The following ZNF721 variants were observed in gnomAD, a reference collection of about 807,000 sequenced individuals.
ZNF721 encodes the protein zinc finger protein 721.
In ZNF721, 2 loss-of-function variants were observed where a neutral mutation model predicts 2.4. The ratio of observed to expected loss-of-function variants is 0.82; its 90% CI spans 0.34 to 2.58. The LOEUF is 2.58. Ranked by LOEUF, ZNF721 falls within the 30% of genes most tolerant of loss-of-function variation. The pLI is 0.11. For missense variants in ZNF721, 1,187 were observed against 1,085.5 expected (o/e 1.09, Z -1.31); for synonymous variants, 398 against 381.8 (o/e 1.04, Z -0.50).
In ZNF721 at chr4:440,125, TTCTC is replaced by T. The variant is rs1306110170; in HGVS notation, c.*1566_*1569del. 6.6e-6 allele frequency: 1 copy of T among 152,206 alleles called. No homozygotes were observed. Among genetic ancestry groups the T allele is most frequent in the Non-Finnish European group, 1.5e-5 (1 of 68,032 alleles). The allele number at this position is 152,206 out of a possible 1,614,324, so 9.4% of individuals were successfully genotyped here. A position where few individuals can be genotyped will look rare whatever the true frequency, so the allele number is the denominator to read the frequency against. On this transcript the variant is annotated 3_prime_UTR_variant, in exon 3 of 3. Coordinates refer to ENST00000511833, the MANE Select transcript of ZNF721 (RefSeq NM_133474.4). ...AAACAATTTACTACTAAAATTCAGA[TTCTC>T]TCTCAGTATAACGCAAAGTATTACT...
intron 2 of ZNF721, among the ~76,000 whole-genome samples, chr4:471,427 G>T (rs1428241410): frequency 6.6e-6 from 1 of 152,148 alleles, no homozygotes; most frequent in Non-Finnish European, 1.5e-5. Flanking sequence ...TGGAGGACAT[G>T]ATGCTAAATG....
At position 444,412 on chromosome 4, in the gene ZNF721, G is replaced by C; in HGVS notation, c.55C>G (p.Gln19Glu). 1 of 1,587,136 alleles carries C rather than the reference G, an allele frequency of 6.3e-7. No individual in the cohort carries two copies. ...ATCCCCTGCACTGGCAAAAAGTCTT[G>C]GGTGAAATGAGAACACATAGCTGAA... ...VSLAMCSHFT[Q>E]DFLPVQGIED... The change falls in exon 3 of 3, where the codon CAA becomes GAA. Residue 19 changes from glutamine to glutamate, a missense_variant. By Grantham distance (29) the Gln-to-Glu change is conservative. Transcript: ENST00000511833.
intron 2 of ZNF721, among the ~76,000 whole-genome samples, chr4:455,328 G>A (rs1714812099): frequency 6.6e-6 from 1 of 152,144 alleles, no homozygotes; most frequent in South Asian, 2.1e-4. Context: ...AGCACTTTGG[G>A]AGGCCGAGGC....
At position 443,322 on chromosome 4, in the gene ZNF721, A is replaced by G; in HGVS notation, c.1145T>C (p.Ile382Thr). The G allele has an allele frequency of 6.2e-7, 1 of 1,613,922 alleles. No homozygotes were observed. Residue 382 changes from isoleucine to threonine, a missense_variant, in exon 3 of 3, where the codon ATT (isoleucine) becomes ACT (threonine). By Grantham distance (89) the Ile-to-Thr change is moderately conservative (BLOSUM62 -1). Transcript: ENST00000511833. ...TTTGTAAGGTTTCTCTCCAGTATGA[A>G]TTTTCTTGTGTTGATTCAGGGCTGT... is the stretch of plus-strand genomic sequence containing the variant. Reference protein sequence around the residue: ...RYTALNQHKKIHTGEKPYKCE... With the variant: ...RYTALNQHKKTHTGEKPYKCE...
chr4:484,878 C>T lies in ZNF721; in HGVS notation c.-93-12177G>A, dbSNP rs148999234. ...TTGAAGTCTGTCACCCACACCTATT[C>T]GCACACTCCCTCCCCTTTTGAAAAT... On this transcript the variant is annotated intron_variant, in intron 1 of 2. Transcript: ENST00000511833. 1.5e-3 allele frequency among the ~76,000 whole-genome samples: 222 copies of T among 152,302 alleles called. 6 individuals carry two copies. The East Asian group carries it at 0.035, about 24-fold the overall frequency.
intron 1 of ZNF721, among the ~76,000 whole-genome samples, chr4:495,391 A>C (rs1716124759): frequency 6.6e-6 from 1 of 150,880 alleles, no homozygotes. Flanking sequence ...AAAACATGAA[A>C]CCTTCTAAAT....
chr4:465,455 GGA>G (rs1715216093), intron 2 of ZNF721, among the ~76,000 whole-genome samples: 1 of 148,962 alleles, frequency 6.7e-6, no homozygotes, highest in Non-Finnish European at 1.5e-5. Context: ...TTTTTGAGAC[GGA>G]GTCTCACTCT....
At position 483,538 on chromosome 4, in the gene ZNF721, C is replaced by T. The variant is rs183961094; in HGVS notation, c.-93-10837G>A. Among the ~76,000 whole-genome samples the T allele has an allele frequency of 6.0e-4, 89 of 148,814 alleles. No individual in the cohort carries two copies. In the East Asian group the frequency reaches 0.015, roughly 25 times the overall value. On this transcript the variant is annotated intron_variant, in intron 1 of 2. Coordinates refer to ENST00000511833, the MANE Select transcript of ZNF721 (RefSeq NM_133474.4). The stretch of plus-strand genomic sequence containing the variant: ...CTGCACTCCAGCCTGGGTGACAGGG[C>T]AAGTCTCCATCTCAAAAAAAAAAAG...
intron 1 of ZNF721, among the ~76,000 whole-genome samples, chr4:496,221 G>A (rs1360550151): frequency 6.6e-6 from 1 of 152,008 alleles, no homozygotes; most frequent in Non-Finnish European, 1.5e-5. Context: ...GTTCCCCTTC[G>A]GATTTCGCCA....
chr4:483,468 C>T lies in ZNF721; in HGVS notation c.-93-10767G>A, dbSNP rs192405996. Among the ~76,000 whole-genome samples the T allele has an allele frequency of 9.5e-3, 1,440 of 152,094 alleles. 29 individuals are homozygous for T. Among genetic ancestry groups the T allele is most frequent in the African/African-American group, 0.033 (1,368 of 41,470 alleles). ...TTGGGAGGCTGAGGCAGGAGAATCCCTTGAACCCAGGAGGCAGAGGTTGCA... is the reference window on the plus strand; with the variant it reads ...TTGGGAGGCTGAGGCAGGAGAATCCTTTGAACCCAGGAGGCAGAGGTTGCA... On this transcript the variant is annotated intron_variant, in intron 1 of 2. Transcript: ENST00000511833.
intron 1 of ZNF721, among the ~76,000 whole-genome samples, chr4:489,654 T>C (rs1715976049): frequency 6.6e-6 from 1 of 152,136 alleles, no homozygotes; most frequent in Non-Finnish European, 1.5e-5. Flanking sequence ...AGGCCCTCAC[T>C]TTCTTGAGGT....
intron 1 of ZNF721, among the ~76,000 whole-genome samples, chr4:496,634 AC>A (rs1358644334): frequency 6.6e-6 from 1 of 151,472 alleles, no homozygotes; most frequent in African/African-American, 2.4e-5. Context: ...CACAAAAAAA[AC>A]CCCAACAAGA....
rs1384554670 is a variant in ZNF721, at chr4:443,426, G to A, written c.1041C>T (p.Asn347=). 1 of 1,612,028 alleles carries A rather than the reference G, an allele frequency of 6.2e-7. No individual in the cohort carries two copies. The highest frequency in any genetic ancestry group is 8.5e-7 in the Non-Finnish European group (1 of 1,178,426). Residue 347 remains asparagine, a synonymous_variant, in exon 3 of 3, where the codon AAC becomes AAT. Coordinates refer to ENST00000511833, the MANE Select transcript of ZNF721 (RefSeq NM_133474.4). ...TATGAATTCTCCTATGTACGTAAAG[G>A]TTTGCGGACTGTCTAAAGGTTTTGC... The part of the protein sequence containing the change: ...ECGKTFRQSA[N]LYVHRRIHTG...
chr4:459,397 C>A (rs1553865769), intron 2 of ZNF721, among the ~76,000 whole-genome samples: 1 of 151,960 alleles, frequency 6.6e-6, no homozygotes, highest in African/African-American at 2.4e-5. Context: ...ATTGAGGAGA[C>A]CCATCTCATG....
chr4:458,333 T>C (rs1282748789), intron 2 of ZNF721, among the ~76,000 whole-genome samples: 3 of 152,324 alleles, frequency 2.0e-5, no homozygotes, highest in Admixed American at 1.3e-4. Context: ...TTATGTGACC[T>C]GGATCTGAAA....
At chr4:468,664 A>G (rs1715334638) in intron 2 of ZNF721, among the ~76,000 whole-genome samples, 1 of 152,206 alleles carries the variant, frequency 6.6e-6, no homozygotes, top group Admixed American at 6.5e-5. Context: ...CAGACCCAGC[A>G]GCACCCTTGA....
chr4:469,104 T>C (rs1715349127), intron 2 of ZNF721, among the ~76,000 whole-genome samples: 1 of 152,190 alleles, frequency 6.6e-6, no homozygotes, highest in Non-Finnish European at 1.5e-5. Context: ...GCAGGTTGTT[T>C]TTTTGTGTGT....
At position 453,235 on chromosome 4, in the gene ZNF721, TAGG is replaced by T. The variant is rs1714728869; in HGVS notation, c.35-8806_35-8804del. 2.0e-5 allele frequency among the ~76,000 whole-genome samples: 3 copies of T among 152,356 alleles called. No individual in the cohort carries two copies. The South Asian group carries it at 6.2e-4, about 32-fold the overall frequency. ...ACCAGTAATGGTCCTCTGAGCTATT[TAGG>T]AGGAGGCCAGAGGGATTTGTCAGTT... is the stretch of plus-strand genomic sequence containing the variant. On this transcript the variant is annotated intron_variant, in intron 2 of 2. Coordinates refer to ENST00000511833, the MANE Select transcript of ZNF721 (RefSeq NM_133474.4).
At chr4:460,125 A>C (rs1351244153) in intron 2 of ZNF721, among the ~76,000 whole-genome samples, 1 of 152,176 alleles carries the variant, frequency 6.6e-6, no homozygotes, top group Non-Finnish European at 1.5e-5. Context: ...CTCCACCCCA[A>C]ATCAATAGAA....
Sources: gnomAD v4.1 joint callset for allele counts (sites outside exome capture counted in the v4.1 genomes callset) on GRCh38, gnomAD v4.1.1 for gene constraint, MANE v1.5 for transcripts, NCBI Gene and HGNC (gene_info 2026-07-23, HGNC 2026-07-21) for gene names.